Variants in EPHA10 observed in about 807,000 individuals in gnomAD.
The protein encoded by EPHA10 is ephrin type-A receptor 10.
A neutral mutation model predicts 109.7 loss-of-function variants in EPHA10; 120 were observed. That is an observed-to-expected ratio of 1.09 (90% CI 0.94 to 1.27). The LOEUF is 1.27. Among genes scored for constraint, EPHA10 ranks in the 50% most tolerant of loss-of-function variants. EPHA10 has a pLI of 0.00. For missense variants in EPHA10, 1,396 were observed against 1,411.1 expected, an observed-to-expected ratio of 0.99 and a Z score of 0.17; for synonymous variants, 640 against 618.9, an observed-to-expected ratio of 1.03 and a Z score of -0.51.
chr1:37,751,218 G>GA (rs1216876477), intron 5 of EPHA10, among the ~76,000 whole-genome samples: 1 of 96,284 alleles, frequency 1.0e-5, no homozygotes, highest in Non-Finnish European at 2.0e-5. Context: ...AAAAAAAAAA[G>GA]AAAGAAAGAA....
rs1569621744 is a variant in EPHA10 at position 37,720,066 on chromosome 1, G to T, written c.2413-8C>A. On this transcript the variant is annotated splice_region_variant and splice_polypyrimidine_tract_variant and intron_variant, in intron 13 of 16. Transcript: ENST00000373048. ...CGCTGGGCTCCGGCCACTCTGTAGG[G>T]GCAGGCAGGTCAGGGGCAAGGAGGA... 1 of 1,613,294 alleles carries T rather than the reference G, an allele frequency of 6.2e-7. No individual in the cohort carries two copies. Among genetic ancestry groups the T allele is most frequent in the Middle Eastern group, 1.7e-4 (1 of 5,870 alleles).
At chr1:37,753,471 G>T (rs983917760) in intron 4 of EPHA10, among the ~76,000 whole-genome samples, 1 of 151,730 alleles carries the variant, frequency 6.6e-6, no homozygotes, top group Non-Finnish European at 1.5e-5. Flanking sequence ...AGGGACGACC[G>T]GTGAAGGAAC....
At chr1:37,728,048 C>A (rs889292356) in intron 7 of EPHA10, among the ~76,000 whole-genome samples, 1 of 152,146 alleles carries the variant, frequency 6.6e-6, no homozygotes, top group South Asian at 2.1e-4. Context: ...TGAGCAGAGG[C>A]ACAATAATTT....
chr1:37,749,530 G>A (rs1297330758), intron 5 of EPHA10, among the ~76,000 whole-genome samples: 4 of 152,020 alleles, frequency 2.6e-5, no homozygotes, highest in South Asian at 2.1e-4. Flanking sequence ...AAAATTAGCC[G>A]GTTGTGGTGG....
chr1:37,750,392 T>C (rs1182022697), intron 5 of EPHA10, among the ~76,000 whole-genome samples: 2 of 152,146 alleles, frequency 1.3e-5, no homozygotes, highest in Non-Finnish European at 2.9e-5. Context: ...AACAGTACTG[T>C]TCCAGAAACC....
At chr1:37,750,193 A>T (rs1428385143) in intron 5 of EPHA10, among the ~76,000 whole-genome samples, 1 of 152,142 alleles carries the variant, frequency 6.6e-6, no homozygotes, top group Admixed American at 6.5e-5. Context: ...CTGAATTTTT[A>T]AAAATGTGAT....
intron 5 of EPHA10, among the ~76,000 whole-genome samples, chr1:37,747,552 C>CAA (rs35864756): frequency 0.18 from 19,598 of 108,158 alleles, 1,680 homozygotes; most frequent in South Asian, 0.22. Flanking sequence ...GAAACTGTCT[C>CAA]AAAAAAAAAA....
rs546478813 is a variant in EPHA10, at chr1:37,754,466, C to A, written c.851-96G>T. On this transcript the variant is annotated intron_variant, in intron 3 of 16. Coordinates refer to ENST00000373048, the MANE Select transcript of EPHA10 (RefSeq NM_001099439.2). The surrounding 1 kb of genome is among the most constrained non-coding windows in gnomAD (Gnocchi z 4.5). ...GGGCAGCGTTTATCTCCTCCAATTG[C>A]GATAGAAAAACAGTCAGGGGACTCA... 78 of 1,169,360 alleles carry A rather than the reference C, an allele frequency of 6.7e-5. 1 individual carries two copies. The East Asian group carries it at 2.4e-3, about 36-fold the overall frequency. 72.4% of individuals were successfully genotyped at this position (1,169,360 alleles called of 1,614,324 possible).
At chr1:37,745,928 C>T (rs1210747660) in intron 5 of EPHA10, among the ~76,000 whole-genome samples, 1 of 152,056 alleles carries the variant, frequency 6.6e-6, no homozygotes, top group Non-Finnish European at 1.5e-5. Flanking sequence ...TTTATTTTCT[C>T]ACACTTCTGG....
chr1:37,718,381 C>T lies in EPHA10; in HGVS notation c.3018G>A (p.Val1006=). ...GAAGAATGGGGTCCACTCACACCTG[C>T]ACCCCCTGGCCCTGCAGCTGGAGCA... ...ARVLQLQGQG[V]QV is the part of the protein sequence containing the mutation. The change falls in exon 17 of 17, where the codon GTG becomes GTA. Residue 1006 remains valine, a synonymous_variant. Coordinates refer to ENST00000373048, the MANE Select transcript of EPHA10 (RefSeq NM_001099439.2). 3 of 1,608,426 alleles carry T rather than the reference C, an allele frequency of 1.9e-6. No homozygotes were observed. In the South Asian group the frequency reaches 3.3e-5, roughly 18 times the overall value.
chr1:37,719,491 G>C lies in EPHA10; in HGVS notation c.2679C>G (p.Phe893Leu), dbSNP rs1645749827. ...WQKDPGERPR[F>L]SQIHSILSKM... ...TGCTCAGGATGCTGTGGATCTGGGA[G>C]AACCTGGGCCGCTCACCTGGGTCCT... Residue 893 changes from phenylalanine (F) to leucine (L), a missense_variant, in exon 15 of 17, where the codon TTC (phenylalanine) becomes TTG (leucine). Transcript: ENST00000373048. 1 of 1,613,918 alleles carries C rather than the reference G, an allele frequency of 6.2e-7. No individual in the cohort carries two copies. Among genetic ancestry groups the C allele is most frequent in the Non-Finnish European group, 8.5e-7 (1 of 1,180,022 alleles).
At chr1:37,730,202 T>C (rs567739535) in intron 7 of EPHA10, among the ~76,000 whole-genome samples, 26 of 152,312 alleles carry the variant, frequency 1.7e-4, no homozygotes, top group Middle Eastern at 3.4e-3. Flanking sequence ...GGTCTGACAC[T>C]TTTTGCATTC....
intron 3 of EPHA10, chr1:37,760,545 C>T (rs1234868395): frequency 1.4e-6 from 1 of 730,474 alleles, no homozygotes; most frequent in African/African-American, 1.9e-5. Context: ...CCCTGCCAGC[C>T]TCTAACTTGC....
chr1:37,718,565 C>T (rs890036084), intron 16 of EPHA10, 79 bp from the exon 17 acceptor site: 287 of 1,611,158 alleles, frequency 1.8e-4, no homozygotes, highest in Admixed American at 2.3e-4. Flanking sequence ...ACTCTCCCTC[C>T]GCTTCTCTGG....
In EPHA10 at chr1:37,718,448, C is replaced by T. The variant is rs150426144; in HGVS notation, c.2951G>A (p.Arg984Gln). The T allele has an allele frequency of 2.1e-4, 344 of 1,613,434 alleles. No individual in the cohort carries two copies. Among genetic ancestry groups the T allele is most frequent in the Admixed American group, 2.8e-4 (17 of 60,018 alleles). ...VSLGISLAEH[R>Q]EALLSGISAL... ...GCTGATCCCGCTGAGGAGGGCCTCT[C>T]GATGTTCAGCCAAAGAGATGCCTAG... is the stretch of plus-strand genomic sequence containing the variant. The change falls in exon 17 of 17, where the codon CGA becomes CAA. Residue 984 changes from arginine to glutamine, a missense_variant. Arg to Gln is a conservative substitution (Grantham distance 43). Coordinates refer to ENST00000373048, the MANE Select transcript of EPHA10 (RefSeq NM_001099439.2).
At position 37,761,604 on chromosome 1, in the gene EPHA10, G is replaced by T; in HGVS notation, c.651C>A (p.Gly217=). 6.2e-7 allele frequency: 1 copy of T among 1,602,270 alleles called. No individual in the cohort carries two copies. The highest frequency in any genetic ancestry group is 8.5e-7 in the Non-Finnish European group (1 of 1,178,816). ...YYKQCRATVR[G]LATFPATAAE... ...CTGCGGTGGCTGGGAACGTGGCCAG[G>T]CCCCGCACGGTGGCGCGGCACTGCT... The change falls in exon 3 of 17, where the codon GGC becomes GGA. Residue 217 remains glycine (G), a synonymous_variant. Transcript: ENST00000373048.
Position 37,717,201 on chromosome 1 carries a change from C to T in EPHA10, c.*1171G>A, listed in dbSNP as rs551072703. 2 of 232,758 alleles carry T rather than the reference C, an allele frequency of 8.6e-6. No homozygotes were observed. The highest frequency in any genetic ancestry group is 6.1e-5 in the East Asian group (1 of 16,522). The allele number at this position is 232,758 out of a possible 1,614,324, so 14.4% of individuals were successfully genotyped here. ...GGGCCCTTGTGGATAAGGAACTCCA[C>T]GGTGGGCTCAGCACAACCACTTCTG... On this transcript the variant is annotated 3_prime_UTR_variant, in exon 17 of 17. Transcript: ENST00000373048.
intron 5 of EPHA10, among the ~76,000 whole-genome samples, chr1:37,739,688 CAAAAAAAAAA>C (rs66804054): frequency 9.3e-4 from 71 of 76,646 alleles, no homozygotes; most frequent in Middle Eastern, 9.8e-3. Context: ...GACCCTGTCT[CAAAAAAAAAA>C]AAAAAAAAAA....
chr1:37,715,481 T>C (rs672207), downstream of EPHA10, among the ~76,000 whole-genome samples: 85,181 of 151,876 alleles, frequency 0.56, 24,525 homozygotes, highest in East Asian at 0.77. Flanking sequence ...CTCCTTCTCA[T>C]CCTGGCTTCT....
Sources: allele counts gnomAD v4.1 joint callset (sites outside exome capture counted in the v4.1 genomes callset), GRCh38; gene constraint gnomAD v4.1.1; non-coding constraint Gnocchi (gnomAD v3.1); transcripts MANE v1.5; gene names NCBI Gene and HGNC (gene_info 2026-07-23, HGNC 2026-07-21).